LGI1: variants seen among roughly 807,000 people sequenced by gnomAD.
LGI1 encodes the protein leucine rich glioma inactivated 1, also known as leucine-rich glioma-inactivated protein 1.
Under a neutral mutation model 57.7 loss-of-function variants are expected in LGI1, and 11 were observed. The observed-to-expected ratio is 0.19, with a 90% CI of 0.12 to 0.32. LGI1 has a LOEUF of 0.32. Ranked by LOEUF, LGI1 falls within the 10% of genes least tolerant of loss-of-function variation. LGI1 has a pLI of 1.00. For synonymous variants in LGI1, 222 were observed against 241.9 expected (o/e 0.92, Z 0.76); for missense variants, 422 against 661.9 (o/e 0.64, Z 3.98).
At position 93,793,343 on chromosome 10, in the gene LGI1, C is replaced by T. The variant is rs766797914; in HGVS notation, c.831C>T (p.Asn277=). ...AAAAGACCTTCCGGAATTATGACAA[C>T]ATTACAGGTATGAAAAGCCTAATGA... ...HVEKTFRNYD[N]ITGTSTVVCK... is the part of the protein sequence containing the mutation. Residue 277 remains asparagine (N), a synonymous_variant, in exon 7 of 8, where the codon AAC becomes AAT. Transcript: ENST00000371418. 1.2e-6 allele frequency: 2 copies of T among 1,613,536 alleles called. No homozygotes were observed. The highest frequency in any genetic ancestry group is 1.1e-5 in the South Asian group (1 of 91,064).
At chr10:93,785,387 T>A (rs960584669) in intron 4 of LGI1, among the ~76,000 whole-genome samples, 1 of 152,234 alleles carries the variant, frequency 6.6e-6, no homozygotes, top group Non-Finnish European at 1.5e-5. Flanking sequence ...CTACATGTGT[T>A]AATTCTCACA....
At chr10:93,780,244 T>A (rs1192108430) in intron 4 of LGI1, 2 of 154,314 alleles carry the variant, frequency 1.3e-5, no homozygotes, top group Non-Finnish European at 2.9e-5. Flanking sequence ...CTTCCTTCCT[T>A]CTTTTATTCC....
rs1336146468 is a variant in LGI1 at position 93,781,975 on chromosome 10, T to C, written c.431+4358T>C. On this transcript the variant is annotated intron_variant, in intron 4 of 7. Transcript: ENST00000371418. The stretch of plus-strand genomic sequence containing the variant: ...ATAACAGTCCCCAAACTCAGGATGC[T>C]TGTGTGTTCCCAATCAGTTGCACAG... 2.6e-5 allele frequency among the ~76,000 whole-genome samples: 4 copies of C among 152,208 alleles called. No homozygotes were observed. In the East Asian group the frequency reaches 7.7e-4, roughly 29 times the overall value.
intron 2 of LGI1, among the ~76,000 whole-genome samples, chr10:93,773,943 G>A (rs909382893): frequency 6.6e-6 from 1 of 152,214 alleles, no homozygotes; most frequent in East Asian, 1.9e-4. Flanking sequence ...GTGGCTCAGA[G>A]TAACGAGGTC....
In LGI1 at chr10:93,759,056, A is replaced by G. The variant is rs2059595674; in HGVS notation, c.287+225A>G. 1.8e-5 allele frequency: 10 copies of G among 553,824 alleles called. No homozygotes were observed. In the South Asian group the frequency reaches 2.1e-4, roughly 12 times the overall value. The allele number at this position is 553,824 out of a possible 1,614,324, so 34.3% of individuals were successfully genotyped here. On this transcript the variant is annotated intron_variant, in intron 2 of 7. Transcript: ENST00000371418. Reference sequence around the variant, plus strand: ...TTAACCTGTCATGCTGTCTACTTTAATGGCTATTTATGAAGTTGTTGGAAT... The same window carrying G: ...TTAACCTGTCATGCTGTCTACTTTAGTGGCTATTTATGAAGTTGTTGGAAT...
At chr10:93,765,876 A>G (rs1329945748) in intron 2 of LGI1, among the ~76,000 whole-genome samples, 1 of 151,252 alleles carries the variant, frequency 6.6e-6, no homozygotes, top group Admixed American at 6.6e-5. Context: ...AGGCTGAGGC[A>G]GGAGAATGGC....
chr10:93,793,060 T>C (rs1196862234), intron 6 of LGI1, 126 bp from the exon 7 acceptor site: 2 of 1,133,522 alleles, frequency 1.8e-6, no homozygotes, highest in Non-Finnish European at 2.5e-6. Context: ...CAATGCTTCA[T>C]GTGTTTAAAA....
intron 2 of LGI1, among the ~76,000 whole-genome samples, chr10:93,761,220 T>A (rs1356411787): frequency 6.6e-6 from 1 of 152,146 alleles, no homozygotes; most frequent in Non-Finnish European, 1.5e-5. Context: ...AAACCCCATA[T>A]GGGCTGCCAA....
At chr10:93,759,083 T>A in intron 2 of LGI1, 1 of 515,820 alleles carries the variant, frequency 1.9e-6, no homozygotes, top group South Asian at 2.1e-5. Flanking sequence ...TGTTGGAATC[T>A]TGCAACAATG....
intron 2 of LGI1, chr10:93,770,005 T>G (rs951328569): frequency 1.3e-5 from 2 of 152,268 alleles, no homozygotes; most frequent in Admixed American, 6.5e-5. Context: ...CGGGACCAAA[T>G]GAGCAGTCTA....
At chr10:93,791,440 T>A (rs574457018) in intron 5 of LGI1, 1 of 152,174 alleles carries the variant, frequency 6.6e-6, no homozygotes, top group East Asian at 1.9e-4. Context: ...CAAAAAAATA[T>A]TGAAATTGGC....
Position 93,792,911 on chromosome 10 carries a change from A to G in LGI1, c.672A>G (p.Thr224=). The change falls in exon 6 of 8, where the codon ACA becomes ACG. Residue 224 remains threonine (T), a splice_region_variant and synonymous_variant. Transcript: ENST00000371418. The part of the protein sequence containing the change: ...LSSKDFDCII[T]EFAKSQDLPY... The stretch of plus-strand genomic sequence containing the variant: ...CGAAGGATTTTGATTGCATCATTAC[A>G]GGTAATGTACTCATCATCATTCCAC... 1 of 1,613,538 alleles carries G rather than the reference A, an allele frequency of 6.2e-7. No individual in the cohort carries two copies. The highest frequency in any genetic ancestry group is 8.5e-7 in the Non-Finnish European group (1 of 1,179,436).
chr10:93,784,573 A>G (rs1304737712), intron 4 of LGI1, among the ~76,000 whole-genome samples: 1 of 152,174 alleles, frequency 6.6e-6, no homozygotes, highest in Non-Finnish European at 1.5e-5. Context: ...CACTTTGGCC[A>G]ACACAGGAGC....
rs369895315 is a variant in LGI1 at position 93,758,748 on chromosome 10, G to A, written c.216-12G>A. 1.4e-5 allele frequency: 22 copies of A among 1,601,806 alleles called. No individual in the cohort carries two copies. The highest frequency in any genetic ancestry group is 1.6e-5 in the Non-Finnish European group (19 of 1,169,986). Reference sequence around the variant, plus strand: ...TCTGTTTGTTTGTTTTCTCTTTTTTGTTTTCTTTCAGATCCTTTGTGAGAT... The same window carrying A: ...TCTGTTTGTTTGTTTTCTCTTTTTTATTTTCTTTCAGATCCTTTGTGAGAT... On this transcript the variant is annotated splice_polypyrimidine_tract_variant and intron_variant, in intron 1 of 7. Transcript: ENST00000371418. This position sits in a 1 kb window ranked among gnomAD's most constrained non-coding sequence, Gnocchi z 4.7.
At chr10:93,765,901 C>A (rs925685086) in intron 2 of LGI1, among the ~76,000 whole-genome samples, 54 of 145,066 alleles carry the variant, frequency 3.7e-4, no homozygotes, top group African/African-American at 1.3e-3. Context: ...ACCCAGGAGG[C>A]GGAGCTTGCA....
At chr10:93,760,011 C>T (rs541035912) in intron 2 of LGI1, among the ~76,000 whole-genome samples, 1 of 152,324 alleles carries the variant, frequency 6.6e-6, no homozygotes, top group South Asian at 2.1e-4. Context: ...CAAATGCTTA[C>T]ACATTTATAA....
At chr10:93,765,274 T>C (rs956220340) in intron 2 of LGI1, 1 of 152,188 alleles carries the variant, frequency 6.6e-6, no homozygotes, top group Admixed American at 6.6e-5. Flanking sequence ...TTTTATTGCA[T>C]AAAATATTAG....
At chr10:93,764,238 G>A (rs987104223) in intron 2 of LGI1, 1 of 152,100 alleles carries the variant, frequency 6.6e-6, no homozygotes, top group Non-Finnish European at 1.5e-5. Flanking sequence ...GAATGCATTA[G>A]TTTCATTTAA....
intron 4 of LGI1, among the ~76,000 whole-genome samples, chr10:93,785,280 G>A (rs1564848421): frequency 6.6e-6 from 1 of 152,166 alleles, no homozygotes; most frequent in Non-Finnish European, 1.5e-5. Context: ...AAAAAGATTA[G>A]TTTTGTGGTC....
Sources: allele counts gnomAD v4.1 joint callset (sites outside exome capture counted in the v4.1 genomes callset), GRCh38; gene constraint gnomAD v4.1.1; non-coding constraint Gnocchi (gnomAD v3.1); transcripts MANE v1.5; gene names NCBI Gene and HGNC (gene_info 2026-07-23, HGNC 2026-07-21).